Variants in NECTIN3 observed in about 807,000 individuals in gnomAD.
The protein encoded by NECTIN3 is nectin cell adhesion molecule 3.
Under a neutral mutation model 49.4 loss-of-function variants are expected in NECTIN3, and 8 were observed. The ratio of observed to expected loss-of-function variants is 0.16; its 90% CI spans 0.10 to 0.29. NECTIN3 has a LOEUF of 0.29. Ranked by LOEUF, NECTIN3 falls within the 10% of genes least tolerant of loss-of-function variation. NECTIN3 has a pLI of 1.00. For missense variants in NECTIN3, 581 were observed against 654.6 expected, an observed-to-expected ratio of 0.89 and a Z score of 1.23; for synonymous variants, 277 against 241.1, an observed-to-expected ratio of 1.15 and a Z score of -1.38.
intron 1 of NECTIN3, among the ~76,000 whole-genome samples, chr3:111,101,481 T>A (rs1229052182): frequency 6.6e-6 from 1 of 152,170 alleles, no homozygotes; most frequent in African/African-American, 2.4e-5. Context: ...TGTAAGTTAT[T>A]ATAGAAACGT....
intron 7 of NECTIN3, among the ~76,000 whole-genome samples, chr3:111,151,991 TC>T (rs1218943641): frequency 2.6e-5 from 4 of 151,642 alleles, no homozygotes; most frequent in Non-Finnish European, 5.9e-5. Flanking sequence ...TTAATTTATT[TC>T]CCCCCTGTAT....
At position 111,110,887 on chromosome 3, in the gene NECTIN3, A is replaced by G. The variant is rs1437815241; in HGVS notation, c.161-1143A>G. Among the ~76,000 whole-genome samples, 3 of 152,122 alleles carry G rather than the reference A, an allele frequency of 2.0e-5. No individual in the cohort carries two copies. The East Asian group carries it at 5.8e-4, about 29-fold the overall frequency. Reference sequence around the variant, plus strand: ...TTGTTTATTCCTCTAAAAAAGATTCAGGGAAATAATATTGCATAAAGTTTT... The same window carrying G: ...TTGTTTATTCCTCTAAAAAAGATTCGGGGAAATAATATTGCATAAAGTTTT... On this transcript the variant is annotated intron_variant, in intron 1 of 5. Coordinates refer to ENST00000485303, the MANE Select transcript of NECTIN3 (RefSeq NM_015480.3).
chr3:111,090,568 T>TTGTG (rs10596117), intron 1 of NECTIN3, among the ~76,000 whole-genome samples: 45 of 148,566 alleles, frequency 3.0e-4, no homozygotes, highest in African/African-American at 1.0e-3. Flanking sequence ...GTTTGCTTGT[T>TTGTG]TGTGTGTGTG....
At chr3:111,190,632 T>G (rs1283135672), upstream of NECTIN3, among the ~76,000 whole-genome samples, 1 of 152,206 alleles carries the variant, frequency 6.6e-6, no homozygotes, top group Non-Finnish European at 1.5e-5. Context: ...AGCTCTGATC[T>G]CTTCAATCCC....
intron 1 of NECTIN3, among the ~76,000 whole-genome samples, chr3:111,192,622 C>T (rs919697087): frequency 6.6e-6 from 1 of 152,128 alleles, no homozygotes; most frequent in Non-Finnish European, 1.5e-5. Flanking sequence ...GTCCCAGAGA[C>T]ACCACAGAAC....
intron 1 of NECTIN3, among the ~76,000 whole-genome samples, chr3:111,076,301 T>TTTAAAAATTTTAAAAATTTTAAA (rs2031195617): frequency 6.6e-6 from 1 of 152,150 alleles, no homozygotes; most frequent in Non-Finnish European, 1.5e-5. Context: ...TTCTGTAACT[T>TTTAAAAATTTTAAAAATTTTAAA]AACCCTTAAA....
chr3:111,099,671 T>G (rs2032787858), intron 1 of NECTIN3, among the ~76,000 whole-genome samples: 1 of 152,158 alleles, frequency 6.6e-6, no homozygotes, highest in East Asian at 1.9e-4. Context: ...CAAACAAAAA[T>G]TTGCAGTCAC....
chr3:111,148,451 T>A (rs1245773343), intron 7 of NECTIN3, among the ~76,000 whole-genome samples: 1 of 152,218 alleles, frequency 6.6e-6, no homozygotes, highest in Non-Finnish European at 1.5e-5. Context: ...TTTTCAGACC[T>A]TTTGTTCTCA....
chr3:111,184,999 T>G (rs947403057), intron 7 of NECTIN3, among the ~76,000 whole-genome samples: 64 of 152,232 alleles, frequency 4.2e-4, no homozygotes, highest in African/African-American at 1.4e-3. Context: ...TAAGTATCAC[T>G]CAATTCTAAT....
chr3:111,133,685 A>G lies in NECTIN3; in HGVS notation c.1120A>G (p.Thr374Ala), dbSNP rs768027828. The G allele has an allele frequency of 6.2e-7, 1 of 1,613,730 alleles. No individual in the cohort carries two copies. Residue 374 changes from threonine to alanine, a missense_variant, in exon 6 of 6, where the codon ACT becomes GCT. Physicochemically the swap from Thr to Ala is moderately conservative, Grantham distance 58. This residue lies in a region of NECTIN3 where 238 missense variants were observed against 244.9 expected (regional missense o/e 0.97). Transcript: ENST00000485303. ...LQPTIQWHPS[T>A]ADIEDLATEP... ...GCCTACAATTCAGTGGCATCCCTCA[A>G]CTGCTGACATCGAGGATCTAGCAAC...
intron 7 of NECTIN3, among the ~76,000 whole-genome samples, chr3:111,158,245 G>A (rs1361487219): frequency 6.6e-6 from 1 of 151,966 alleles, no homozygotes; most frequent in Non-Finnish European, 1.5e-5. Context: ...CTTGCTATTG[G>A]TGGAATATTT....
In NECTIN3 at chr3:111,136,961, A is replaced by G. The variant is rs988272992; in HGVS notation, c.*2746A>G. On this transcript the variant is annotated 3_prime_UTR_variant, in exon 6 of 6. Coordinates refer to ENST00000485303, the MANE Select transcript of NECTIN3 (RefSeq NM_015480.3). ...TTTACCACGTGCCTAGTAGGGTTCT[A>G]TTTGCTAACTCTAATATTGAGGAAA... 4 of 976,120 alleles carry G rather than the reference A, an allele frequency of 4.1e-6. No individual in the cohort carries two copies. The highest frequency in any genetic ancestry group is 1.8e-5 in the African/African-American group (1 of 57,088). The allele number at this position is 976,120 out of a possible 1,614,324, so 60.5% of individuals were successfully genotyped here.
chr3:111,093,426 G>GTT lies in NECTIN3; in HGVS notation c.161-18590_161-18589dup, dbSNP rs35209735. ...GTGTGTGGTTTTTTTATTTTGTTGG[G>GTT]TTTTTTTTTTTTTTTGAGACAGAGT... On this transcript the variant is annotated intron_variant, in intron 1 of 5. Transcript: ENST00000485303. Among the ~76,000 whole-genome samples, 2,730 of 140,146 alleles carry GTT rather than the reference G, an allele frequency of 0.019. 179 individuals carry two copies. The East Asian group carries it at 0.24, about 12-fold the overall frequency. 91.9% of individuals were successfully genotyped at this position (140,146 alleles called of 152,430 possible).
At position 111,154,682 on chromosome 3, in the gene NECTIN3, T is replaced by C. The variant is rs543541289; in HGVS notation, c.1221+7198T>C. On this transcript the variant is annotated intron_variant, in intron 7 of 8. Transcript: ENST00000493615. ...CAGACATTAAAAATTTTAGATATTC[T>C]AATAGTTGTGTGGTTGTGTTTTATT... Among the ~76,000 whole-genome samples the C allele has an allele frequency of 5.3e-5, 8 of 152,290 alleles. No individual in the cohort carries two copies. The East Asian group carries it at 1.4e-3, about 26-fold the overall frequency.
In NECTIN3 at chr3:111,122,293, C is replaced by T. The variant is rs963359422; in HGVS notation, c.917+55C>T. 4.5e-6 allele frequency: 6 copies of T among 1,328,820 alleles called. No homozygotes were observed. In the Admixed American group the frequency reaches 9.7e-5, roughly 21 times the overall value. 82.3% of individuals were successfully genotyped at this position (1,328,820 alleles called of 1,614,324 possible). A position where few individuals can be genotyped will look rare whatever the true frequency, so the allele number is the denominator to read the frequency against. On this transcript the variant is annotated intron_variant, in intron 4 of 5. Transcript: ENST00000485303. ...ATCTAAAAGTGAAACCTTCTTAAAT[C>T]CCCATTCTAAATTGTTTTTATCTGT...
At chr3:111,192,408 C>T in exon 1 of NECTIN3, 2 of 1,535,102 alleles carry the variant, frequency 1.3e-6, no homozygotes, top group Non-Finnish European at 8.7e-7. Flanking sequence ...CAATCTTCAG[C>T]ACTCTGTAAG....
In NECTIN3 at chr3:111,133,710, C is replaced by T; in HGVS notation, c.1145C>T (p.Thr382Ile). 6.2e-7 allele frequency: 1 copy of T among 1,613,900 alleles called. No individual in the cohort carries two copies. The highest frequency in any genetic ancestry group is 8.5e-7 in the Non-Finnish European group (1 of 1,179,860). The stretch of plus-strand genomic sequence containing the variant: ...ACTGCTGACATCGAGGATCTAGCAA[C>T]AGAACCTAAAAAATTGCCCTTCCCA... ...PSTADIEDLA[T>I]EPKKLPFPLS... is the part of the protein sequence containing the mutation. Residue 382 changes from threonine to isoleucine, a missense_variant, in exon 6 of 6, where the codon ACA (threonine) becomes ATA (isoleucine). This residue lies in a region of NECTIN3 where 238 missense variants were observed against 244.9 expected (regional missense o/e 0.97). Transcript: ENST00000485303.
At chr3:111,162,293 T>C (rs2035229220) in intron 7 of NECTIN3, among the ~76,000 whole-genome samples, 1 of 152,200 alleles carries the variant, frequency 6.6e-6, no homozygotes, top group Non-Finnish European at 1.5e-5. Context: ...AATCTCATCT[T>C]GAGTTGTAGT....
chr3:111,117,479 G>T (rs1322025559), intron 2 of NECTIN3, among the ~76,000 whole-genome samples: 1 of 152,020 alleles, frequency 6.6e-6, no homozygotes, highest in Non-Finnish European at 1.5e-5. Context: ...ATGGATGTTT[G>T]CTGTAAAATT....
Sources: allele counts gnomAD v4.1 joint callset (sites outside exome capture counted in the v4.1 genomes callset), GRCh38; gene constraint gnomAD v4.1.1; regional missense constraint gnomAD v4.1.1; transcripts MANE v1.5; gene names NCBI Gene and HGNC (gene_info 2026-07-23, HGNC 2026-07-21).